Variants in RGS12 observed in about 807,000 individuals in gnomAD.
RGS12 encodes the protein regulator of G protein signaling 12.
A neutral mutation model predicts 120.1 loss-of-function variants in RGS12; 66 were observed. That is an observed-to-expected ratio of 0.55 (90% CI 0.45 to 0.67). The LOEUF (loss-of-function observed/expected upper bound fraction) is 0.67. Among genes scored for constraint, RGS12 ranks in the 30% least tolerant of loss-of-function variants. The pLI, the probability that RGS12 is intolerant of heterozygous loss-of-function variation, is 0.00. For synonymous variants in RGS12, 827 were observed against 804.7 expected (o/e 1.03, Z -0.47); for missense variants, 1,859 against 1,957.7 (o/e 0.95, Z 0.95).
chr4:3,287,908 C>A, the RGS12 span, among the ~76,000 whole-genome samples: 1 of 152,140 alleles, frequency 6.6e-6, no homozygotes. Flanking sequence ...CACATCTCCC[C>A]CAAACTCACC....
intron 10 of RGS12, among the ~76,000 whole-genome samples, chr4:3,421,413 T>C (rs1723003536): frequency 6.6e-6 from 1 of 152,270 alleles, no homozygotes; most frequent in South Asian, 2.1e-4. Flanking sequence ...TTACCAGGTA[T>C]CAGTTAGCTC....
In RGS12 at chr4:3,319,550, CCTGAGTAGCTGGGACTA is replaced by C. The variant is rs1196788055; in HGVS notation, c.1881+1518_1881+1534del. On this transcript the variant is annotated intron_variant, in intron 2 of 17. Transcript: ENST00000336727. ...TCAAGTGATCCTCCCACCTCAGCCT[CCTGAGTAGCTGGGACTA>C]CTGAGTAGCTGGGACTACAGGCACT... Among the ~76,000 whole-genome samples the C allele has an allele frequency of 1.8e-4, 27 of 152,290 alleles. 1 individual carries two copies. Among genetic ancestry groups the C allele is most frequent in the East Asian group, 1.2e-3 (6 of 5,178 alleles).
Position 3,417,411 on chromosome 4 carries a change from C to G in RGS12, c.2631C>G (p.Gly877=). 1 of 1,573,648 alleles carries G rather than the reference C, an allele frequency of 6.4e-7. No individual in the cohort carries two copies. Among genetic ancestry groups the G allele is most frequent in the Non-Finnish European group, 8.6e-7 (1 of 1,157,972 alleles). ...AGTTAAGTGGAAAATCAAAATCCGG[C>G]CGATCCCTGAATGAAGAGCTGGGGG... ...PKKLSGKSKS[G]RSLNEELGDE... is the part of the protein sequence containing the mutation. The change falls in exon 9 of 18, where the codon GGC becomes GGG. Residue 877 remains glycine (G), a synonymous_variant. Coordinates refer to ENST00000336727, the MANE Select transcript of RGS12 (RefSeq NM_001394154.1).
At chr4:3,340,972 C>T (rs1241729677) in intron 2 of RGS12, among the ~76,000 whole-genome samples, 18 of 151,978 alleles carry the variant, frequency 1.2e-4, no homozygotes, top group Admixed American at 1.2e-3. Flanking sequence ...TAGGCCTCTG[C>T]CTGCCGGCTG....
At chr4:3,377,669 C>T (rs1410090014) in intron 3 of RGS12, among the ~76,000 whole-genome samples, 1 of 152,124 alleles carries the variant, frequency 6.6e-6, no homozygotes, top group East Asian at 1.9e-4. Context: ...TGACACTACT[C>T]ATATAAATAA....
At chr4:3,380,326 G>A (rs1278742123) in intron 3 of RGS12, among the ~76,000 whole-genome samples, 3 of 152,200 alleles carry the variant, frequency 2.0e-5, no homozygotes, top group Non-Finnish European at 2.9e-5. Context: ...CTGCTTTCAC[G>A]GGTTGGCATT....
At chr4:3,294,266 G>A (rs1195755664) in intron 1 of RGS12, among the ~76,000 whole-genome samples, 3 of 152,246 alleles carry the variant, frequency 2.0e-5, no homozygotes, top group African/African-American at 4.8e-5. Flanking sequence ...GCGCTGGGGG[G>A]CCTTCCCAGG....
intron 12 of RGS12, among the ~76,000 whole-genome samples, 197 bp downstream of exon 12, chr4:3,423,175 C>CCT (rs1198095955): frequency 6.6e-6 from 1 of 152,168 alleles, no homozygotes; most frequent in African/African-American, 2.4e-5. Context: ...GGCGCCCTCT[C>CCT]CTCCCTGTCC....
chr4:3,424,590 G>A (rs747444678), intron 13 of RGS12, among the ~76,000 whole-genome samples: 3 of 152,208 alleles, frequency 2.0e-5, no homozygotes, highest in African/African-American at 4.8e-5. Flanking sequence ...TCGTGGCAGC[G>A]TGCTCGTGGC....
rs551522369 is a variant in RGS12, at chr4:3,350,579, G to A, written c.1998+7526G>A. On this transcript the variant is annotated intron_variant, in intron 3 of 17. Coordinates refer to ENST00000336727, the MANE Select transcript of RGS12 (RefSeq NM_001394154.1). Reference sequence around the variant, plus strand: ...CACCTGTAGTCCCAGCTACTCAAGAGGCTGAGGTGGAAGGATCACTGGAGC... The same window carrying A: ...CACCTGTAGTCCCAGCTACTCAAGAAGCTGAGGTGGAAGGATCACTGGAGC... Among the ~76,000 whole-genome samples the A allele has an allele frequency of 6.6e-5, 10 of 152,256 alleles. No homozygotes were observed. The South Asian group carries it at 1.0e-3, about 16-fold the overall frequency.
intron 1 of RGS12, among the ~76,000 whole-genome samples, chr4:3,315,833 G>A (rs570387065): frequency 2.0e-5 from 3 of 152,330 alleles, no homozygotes; most frequent in East Asian, 3.9e-4. Context: ...CCTCACACCC[G>A]TGGCAGGTGG....
chr4:3,309,236 T>C (rs13118577), intron 1 of RGS12, among the ~76,000 whole-genome samples: 24 of 45,512 alleles, frequency 5.3e-4, no homozygotes, highest in African/African-American at 2.3e-3. Flanking sequence ...GAGCTGGGAC[T>C]CGGGAATGGC....
At chr4:3,296,534 G>C (rs1297141959) in intron 1 of RGS12, among the ~76,000 whole-genome samples, 1 of 152,186 alleles carries the variant, frequency 6.6e-6, no homozygotes, top group African/African-American at 2.4e-5. Flanking sequence ...TAATCTCCTT[G>C]TCCTGGGAGC....
At chr4:3,309,474 G>A (rs1436902628) in intron 1 of RGS12, among the ~76,000 whole-genome samples, 2 of 133,528 alleles carry the variant, frequency 1.5e-5, no homozygotes, top group Admixed American at 7.6e-5. Flanking sequence ...TCCGCTGAGG[G>A]GAACCGTGTG....
At chr4:3,380,471 A>G (rs942474946) in intron 3 of RGS12, among the ~76,000 whole-genome samples, 5 of 152,170 alleles carry the variant, frequency 3.3e-5, no homozygotes, top group Non-Finnish European at 7.4e-5. Context: ...TGGGGACTCT[A>G]ACCCCACATT....
intron 4 of RGS12, among the ~76,000 whole-genome samples, chr4:3,411,104 G>T (rs1721686898): frequency 6.6e-6 from 1 of 152,138 alleles, no homozygotes. Context: ...TTTTCTTCTG[G>T]TATTTCTCTA....
chr4:3,354,834 A>G (rs774338792), intron 3 of RGS12, among the ~76,000 whole-genome samples: 1 of 152,242 alleles, frequency 6.6e-6, no homozygotes, highest in Non-Finnish European at 1.5e-5. Flanking sequence ...AAAGTTGTAG[A>G]ACAGAATTAC....
chr4:3,439,619 T>C lies in RGS12; in HGVS notation c.4279T>C (p.Leu1427=), dbSNP rs1295325586. 3.7e-6 allele frequency: 6 copies of C among 1,602,892 alleles called. No individual in the cohort carries two copies. The Admixed American group carries it at 1.0e-4, about 27-fold the overall frequency. Residue 1427 remains leucine (L), a synonymous_variant, in exon 18 of 18, where the codon TTG becomes CTG. Transcript: ENST00000336727. The stretch of plus-strand genomic sequence containing the variant: ...GCCTCCTACATCAGACCTCCCTGGC[T>C]TGGGCCCCGTCCCGGGTGAGCCTGC... ...GGPPTSDLPG[L]GPVPGEPAKP... is the part of the protein sequence containing the mutation.
Position 3,316,876 on chromosome 4 carries a change from G to C in RGS12, c.706G>C (p.Gly236Arg). Residue 236 changes from glycine (G) to arginine (R), a missense_variant, in exon 2 of 18, where the codon GGC (glycine) becomes CGC (arginine). Coordinates refer to ENST00000336727, the MANE Select transcript of RGS12 (RefSeq NM_001394154.1). ...CGTGGCGATGATCGTGGGCTACTTA[G>C]GCTCCATTGAGCTTCCTTCCACGAG... ...LNVAMIVGYL[G>R]SIELPSTSSN... is the part of the protein sequence containing the mutation. 6.2e-7 allele frequency: 1 copy of C among 1,614,136 alleles called. No homozygotes were observed.
Sources: allele counts gnomAD v4.1 joint callset (sites outside exome capture counted in the v4.1 genomes callset), GRCh38; gene constraint gnomAD v4.1.1; transcripts MANE v1.5; gene names NCBI Gene and HGNC (gene_info 2026-07-23, HGNC 2026-07-21).